ZNF320: variants seen among roughly 807,000 people sequenced by gnomAD.
ZNF320 encodes zinc finger protein 320, also known as zinc finger gene 320.
Under a neutral mutation model 6.8 loss-of-function variants are expected in ZNF320, and 2 were observed. The ratio of observed to expected loss-of-function variants is 0.29; its 90% CI spans 0.12 to 0.93. The LOEUF (loss-of-function observed/expected upper bound fraction) is 0.93, where lower values mean the gene tolerates loss of function less well. ZNF320 is among the 40% of genes least tolerant of loss of function. ZNF320 has a pLI of 0.55. For missense variants in ZNF320, 472 were observed against 611.0 expected (o/e 0.77, Z 2.40); for synonymous variants, 208 against 203.2 (o/e 1.02, Z -0.20).
At chr19:52,863,083 T>C (rs1387328484) in exon 6 of ZNF320, among the ~76,000 whole-genome samples, 2 of 152,136 alleles carry the variant, frequency 1.3e-5, no homozygotes, top group Non-Finnish European at 2.9e-5. Context: ...CCTCAACCTT[T>C]CGAGTAGCTG....
rs1244283779 is a variant in ZNF320 at position 52,891,329 on chromosome 19, G to A, written c.-174C>T. On this transcript the variant is annotated 5_prime_UTR_variant, in exon 3 of 6. Transcript: ENST00000682928. ...GATCAGGAGACTGCACTCACAGCCTGAAGGACAGAGTGAGACTCTGTTTGA... is the reference window on the plus strand; with the variant it reads ...GATCAGGAGACTGCACTCACAGCCTAAAGGACAGAGTGAGACTCTGTTTGA... The A allele has an allele frequency of 6.6e-6, 1 of 151,320 alleles. No homozygotes were observed. Among genetic ancestry groups the A allele is most frequent in the East Asian group, 2.0e-4 (1 of 5,114 alleles). The allele number at this position is 151,320 out of a possible 1,614,324, so 9.4% of individuals were successfully genotyped here. A position where few individuals can be genotyped will look rare whatever the true frequency, so the allele number is the denominator to read the frequency against.
At chr19:52,864,690 A>C (rs2063512643) in intron 5 of ZNF320, among the ~76,000 whole-genome samples, 1 of 152,132 alleles carries the variant, frequency 6.6e-6, no homozygotes, top group Admixed American at 6.6e-5. Context: ...TAGCTGGAGC[A>C]ACAGAGAGAC....
At chr19:52,864,007 C>A in exon 6 of ZNF320, 2 of 474,508 alleles carry the variant, frequency 4.2e-6, no homozygotes, top group South Asian at 1.6e-5. Context: ...ACAGATTCTT[C>A]ATGTCTGGAG....
Position 52,881,117 on chromosome 19 carries a change from C to T in ZNF320, c.1009G>A (p.Val337Ile). ...KPYRCEECDK[V>I]FSRKSHLERH... ...TCAAGATGTGATTTGCGACTGAAAA[C>T]TTTGTCGCATTCTTCACATCTGTAA... The change falls in exon 6 of 6, where the codon GTT (valine) becomes ATT (isoleucine). Residue 337 changes from valine to isoleucine, a missense_variant. Physicochemically the swap from Val to Ile is conservative, Grantham distance 29 (BLOSUM62 3). This residue lies in a region of ZNF320 where 462 missense variants were observed against 559.7 expected (regional missense o/e 0.83). Transcript: ENST00000682928. 1 of 1,614,028 alleles carries T rather than the reference C, an allele frequency of 6.2e-7. No individual in the cohort carries two copies.
chr19:52,863,939 G>A (rs1330904104), exon 6 of ZNF320: 5 of 396,656 alleles, frequency 1.3e-5, no homozygotes, highest in East Asian at 1.5e-4. Flanking sequence ...TCAAAAGCAC[G>A]TATGGGGCAA....
upstream of ZNF320, among the ~76,000 whole-genome samples, chr19:52,899,413 C>A (rs887337850): frequency 1.3e-5 from 2 of 152,070 alleles, no homozygotes; most frequent in Non-Finnish European, 2.9e-5. Context: ...CAAACTTTTC[C>A]TTCAGCTGCT....
downstream of ZNF320, among the ~76,000 whole-genome samples, chr19:52,859,817 T>C (rs2063476080): frequency 6.6e-6 from 1 of 152,052 alleles, no homozygotes; most frequent in African/African-American, 2.4e-5. Flanking sequence ...TTTAAATTGA[T>C]ATTAGGAAAC....
At position 52,881,794 on chromosome 19, in the gene ZNF320, G is replaced by T; in HGVS notation, c.332C>A (p.Ala111Glu). The change falls in exon 6 of 6, where the codon GCA (alanine) becomes GAA (glutamate). Residue 111 changes from alanine (A) to glutamate (E), a missense_variant. This residue lies in a region of ZNF320 where 462 missense variants were observed against 559.7 expected (regional missense o/e 0.83). Transcript: ENST00000682928. Reference protein sequence around the residue: ...WQEDETNDHEAPMTEIKKLTS... With the variant: ...WQEDETNDHEEPMTEIKKLTS... Reference sequence around the variant, plus strand: ...CAACTTTTTTATTTCTGTCATGGGTGCTTCATGGTCATTTGTTTCATCTTC... The same window carrying T: ...CAACTTTTTTATTTCTGTCATGGGTTCTTCATGGTCATTTGTTTCATCTTC... The T allele has an allele frequency of 3.1e-6, 5 of 1,613,776 alleles. No homozygotes were observed. The highest frequency in any genetic ancestry group is 3.4e-6 in the Non-Finnish European group (4 of 1,179,812).
At chr19:52,882,663 C>CAG (rs10652957) in intron 5 of ZNF320, among the ~76,000 whole-genome samples, 5,054 of 152,208 alleles carry the variant, frequency 0.033, 255 homozygotes, top group African/African-American at 0.11. Context: ...CAAAAAAAGG[C>CAG]AGGGGGTGGT....
rs765388372 is a variant in ZNF320, at chr19:52,890,224, C to A, written c.15+17G>T. ...AAAGGAAGGAGACAGAACAATCCACCGAGAATATCATCTCACCTGAGAAAG... is the reference window on the plus strand; with the variant it reads ...AAAGGAAGGAGACAGAACAATCCACAGAGAATATCATCTCACCTGAGAAAG... On this transcript the variant is annotated intron_variant, in intron 4 of 5. Coordinates refer to ENST00000682928, the MANE Select transcript of ZNF320 (RefSeq NM_001351774.2). The A allele has an allele frequency of 6.2e-6, 10 of 1,606,708 alleles. No individual in the cohort carries two copies. The highest frequency in any genetic ancestry group is 5.5e-5 in the South Asian group (5 of 91,060).
downstream of ZNF320, among the ~76,000 whole-genome samples, chr19:52,859,777 G>A (rs11084198): frequency 0.3 from 45,165 of 152,012 alleles, 7,116 homozygotes; most frequent in African/African-American, 0.38. Flanking sequence ...GGGCTGGGTA[G>A]TCTTCCTACT....
At chr19:52,892,689 C>T (rs1016697277) in intron 2 of ZNF320, among the ~76,000 whole-genome samples, 2 of 152,120 alleles carry the variant, frequency 1.3e-5, no homozygotes, top group African/African-American at 2.4e-5. Flanking sequence ...CTATAGATTT[C>T]CACCTCTTCT....
chr19:52,867,994 A>C lies in ZNF320; in HGVS notation c.224-3835T>G, dbSNP rs368749964. On this transcript the variant is annotated intron_variant, in intron 5 of 5. Transcript: ENST00000673631. ...TCCTCACCTCAAGCAATCTACCCCC[A>C]TCAGCCTCCCAAAGTGCTGGGATTA... Among the ~76,000 whole-genome samples the C allele has an allele frequency of 7.0e-3, 959 of 137,472 alleles. 9 individuals carry two copies. Among genetic ancestry groups the C allele is most frequent in the African/African-American group, 0.018 (711 of 38,856 alleles). The allele number at this position is 137,472 out of a possible 152,430, so 90.2% of individuals were successfully genotyped here. A position where few individuals can be genotyped will look rare whatever the true frequency, so the allele number is the denominator to read the frequency against.
exon 6 of ZNF320, chr19:52,862,663 A>T: frequency 1.7e-6 from 1 of 587,072 alleles, no homozygotes; most frequent in Non-Finnish European, 2.9e-6. Context: ...CACACTCATT[A>T]CACTTGTAAG....
chr19:52,860,336 C>T (rs2063480417), downstream of ZNF320, among the ~76,000 whole-genome samples: 1 of 152,062 alleles, frequency 6.6e-6, no homozygotes, highest in East Asian at 1.9e-4. Flanking sequence ...CGGTGGCTCA[C>T]TCCTGCAATA....
upstream of ZNF320, among the ~76,000 whole-genome samples, chr19:52,898,220 T>G (rs559869911): frequency 4.6e-5 from 7 of 152,086 alleles, no homozygotes; most frequent in East Asian, 1.2e-3. Context: ...TTCACTGGGG[T>G]GGGAGAATCC....
At chr19:52,887,091 T>C (rs1271395408) in intron 5 of ZNF320, among the ~76,000 whole-genome samples, 1 of 152,112 alleles carries the variant, frequency 6.6e-6, no homozygotes, top group Non-Finnish European at 1.5e-5. Context: ...AAGATGTCCC[T>C]TCAGAGATCT....
At chr19:52,866,869 CAAAAAA>C (rs58231328) in intron 5 of ZNF320, among the ~76,000 whole-genome samples, 55,505 of 109,170 alleles carry the variant, frequency 0.51, 9,839 homozygotes, top group Middle Eastern at 0.55. Flanking sequence ...ACAAAACATA[CAAAAAA>C]AAAAAAAAAA....
chr19:52,861,844 G>A (rs2063488415), exon 6 of ZNF320: 1 of 384,128 alleles, frequency 2.6e-6, no homozygotes, highest in Admixed American at 3.5e-5. Flanking sequence ...ACATTTGTAA[G>A]ATTTCTGTCC....
Sources: gnomAD v4.1 joint callset for allele counts (sites outside exome capture counted in the v4.1 genomes callset) on GRCh38, gnomAD v4.1.1 for gene constraint, gnomAD v4.1.1 regional missense constraint, MANE v1.5 for transcripts, NCBI Gene and HGNC (gene_info 2026-07-23, HGNC 2026-07-21) for gene names.